Variants in FLRT1 observed in about 807,000 individuals in gnomAD.
FLRT1 encodes the protein fibronectin leucine rich transmembrane protein 1, also known as leucine-rich repeat transmembrane protein FLRT1.
Under a neutral mutation model 30.9 loss-of-function variants are expected in FLRT1, and 14 were observed. The observed-to-expected ratio is 0.45, with a 90% CI of 0.30 to 0.71. FLRT1 has a LOEUF of 0.71. Ranked by LOEUF, FLRT1 falls within the 30% of genes least tolerant of loss-of-function variation. FLRT1 has a pLI of 0.08. For missense variants in FLRT1, 737 were observed against 949.2 expected (o/e 0.78, Z 2.94); for synonymous variants, 368 against 430.4 (o/e 0.85, Z 1.80).
At chr11:64,092,527 C>T (rs1004638076) in intron 1 of FLRT1, among the ~76,000 whole-genome samples, 3 of 152,176 alleles carry the variant, frequency 2.0e-5, no homozygotes, top group Admixed American at 6.5e-5. Context: ...GAGATGGGGC[C>T]GCTCAGAGAC....
intron 2 of FLRT1, among the ~76,000 whole-genome samples, chr11:64,110,540 G>A (rs1235005384): frequency 8.5e-5 from 13 of 152,050 alleles, no homozygotes. Context: ...GTTGGCAGGG[G>A]ACAACGACTG....
chr11:64,078,521 G>T (rs1041893274), intron 1 of FLRT1, among the ~76,000 whole-genome samples: 3 of 152,228 alleles, frequency 2.0e-5, no homozygotes, highest in South Asian at 2.1e-4. Context: ...GCATCGGAGG[G>T]ATACCCGGGA....
chr11:64,106,885 A>AT (rs1172357369), intron 2 of FLRT1, among the ~76,000 whole-genome samples: 2 of 150,948 alleles, frequency 1.3e-5, no homozygotes, highest in African/African-American at 4.9e-5. Context: ...TATTTATTTT[A>AT]TTTTATTTTT....
At chr11:64,110,660 G>A (rs920115854) in intron 2 of FLRT1, among the ~76,000 whole-genome samples, 2 of 151,928 alleles carry the variant, frequency 1.3e-5, no homozygotes, top group African/African-American at 4.8e-5. Flanking sequence ...GCCCACCCCC[G>A]TGGCCCGCTA....
chr11:64,037,080 T>G (rs1394052696), intron 1 of FLRT1, among the ~76,000 whole-genome samples: 1 of 151,482 alleles, frequency 6.6e-6, no homozygotes, highest in Non-Finnish European at 1.5e-5. Flanking sequence ...AGCTGGGGTG[T>G]GCCAGGCCCC....
rs1195542269 is a variant in FLRT1 at position 64,036,236 on chromosome 11, C to G, written c.-1038+77C>G. The stretch of plus-strand genomic sequence containing the variant: ...GCGCCAGAGCCGACGGGGCGGGGGC[C>G]GGGGGCCCGGGGGCACCGAAGCGCC... On this transcript the variant is annotated intron_variant, in intron 1 of 2. Transcript: ENST00000682287. The surrounding 1 kb of genome is among the most constrained non-coding windows in gnomAD (Gnocchi z 5.6). 1 of 151,922 alleles carries G rather than the reference C, an allele frequency of 6.6e-6. No homozygotes were observed. Among genetic ancestry groups the G allele is most frequent in the African/African-American group, 2.4e-5 (1 of 41,372 alleles). 9.4% of individuals were successfully genotyped at this position (151,922 alleles called of 1,614,324 possible). A position where few individuals can be genotyped will look rare whatever the true frequency, so the allele number is the denominator to read the frequency against.
At chr11:64,051,423 G>A (rs1943692507) in intron 1 of FLRT1, among the ~76,000 whole-genome samples, 1 of 152,198 alleles carries the variant, frequency 6.6e-6, no homozygotes. Flanking sequence ...TGGTGACAGT[G>A]ATGGCGGACC....
chr11:64,084,955 C>T (rs1288329460), intron 1 of FLRT1, among the ~76,000 whole-genome samples: 3 of 152,254 alleles, frequency 2.0e-5, no homozygotes, highest in Non-Finnish European at 4.4e-5. Flanking sequence ...ACAAGGGTTT[C>T]CGTCTATGGG....
In FLRT1 at chr11:64,118,259, C is replaced by T. The variant is rs1392761485; in HGVS notation, c.1992C>T (p.Gly664=). 27 of 1,595,104 alleles carry T rather than the reference C, an allele frequency of 1.7e-5. No homozygotes were observed. The highest frequency in any genetic ancestry group is 5.6e-5 in the South Asian group (5 of 89,010). The change falls in exon 3 of 3, where the codon GGC becomes GGT. Residue 664 remains glycine (G), a synonymous_variant. Coordinates refer to ENST00000682287, the MANE Select transcript of FLRT1 (RefSeq NM_013280.5). ...GYGTTRGYRD[G]GIPDIDYSYT is the part of the protein sequence containing the mutation. ...GCACCACGCGGGGCTACCGGGACGG[C>T]GGCATCCCCGACATAGACTACTCCT...
chr11:64,065,518 G>A (rs190240944), intron 1 of FLRT1, among the ~76,000 whole-genome samples: 11 of 152,274 alleles, frequency 7.2e-5, no homozygotes, highest in East Asian at 1.9e-4. Context: ...GGCCAGGCGC[G>A]GTGGCTCATG....
intron 1 of FLRT1, among the ~76,000 whole-genome samples, chr11:64,066,294 CAAAAA>C (rs59963244): frequency 5.9e-5 from 3 of 50,936 alleles, no homozygotes; most frequent in Admixed American, 2.1e-4. Flanking sequence ...GAGACTGTCT[CAAAAA>C]AAAAAAAAAA....
intron 1 of FLRT1, among the ~76,000 whole-genome samples, chr11:64,051,613 C>T (rs1001777341): frequency 3.3e-5 from 5 of 152,228 alleles, no homozygotes; most frequent in African/African-American, 9.6e-5. Flanking sequence ...ACCGCCATTC[C>T]TGCGTGGAGC....
At chr11:64,114,645 G>A (rs1253979999) in intron 2 of FLRT1, among the ~76,000 whole-genome samples, 1 of 151,752 alleles carries the variant, frequency 6.6e-6, no homozygotes, top group Non-Finnish European at 1.5e-5. Flanking sequence ...ATGAATGGAT[G>A]GATGGATGAA....
At chr11:64,054,380 C>T (rs1019193804) in intron 1 of FLRT1, among the ~76,000 whole-genome samples, 45 of 152,334 alleles carry the variant, frequency 3.0e-4, no homozygotes, top group Admixed American at 6.5e-4. Flanking sequence ...TGAGTGCTTT[C>T]GGCAGCCAGC....
intron 2 of FLRT1, among the ~76,000 whole-genome samples, chr11:64,113,991 GATGA>G (rs965017510): frequency 1.3e-5 from 2 of 149,164 alleles, no homozygotes; most frequent in African/African-American, 2.5e-5. Flanking sequence ...TAATTGGATG[GATGA>G]ATGGACAGGT....
chr11:64,094,441 A>T (rs575535435), intron 1 of FLRT1, among the ~76,000 whole-genome samples: 1 of 152,040 alleles, frequency 6.6e-6, no homozygotes, highest in African/African-American at 2.4e-5. Context: ...AAAAAAAAAA[A>T]AAAATCCCAA....
chr11:64,057,178 C>T (rs570481038), intron 1 of FLRT1, among the ~76,000 whole-genome samples: 28 of 152,316 alleles, frequency 1.8e-4, no homozygotes, highest in Non-Finnish European at 1.5e-4. Flanking sequence ...ACAGCCAGCC[C>T]CGTGTTTATA....
intron 1 of FLRT1, among the ~76,000 whole-genome samples, chr11:64,095,649 G>A (rs1458465277): frequency 1.3e-5 from 2 of 152,232 alleles, no homozygotes; most frequent in East Asian, 3.9e-4. Flanking sequence ...TAACTCGGAT[G>A]ATGGCATATG....
At chr11:64,045,089 C>G (rs1344194353) in intron 1 of FLRT1, among the ~76,000 whole-genome samples, 1 of 152,214 alleles carries the variant, frequency 6.6e-6, no homozygotes, top group African/African-American at 2.4e-5. Flanking sequence ...TGAGGGGGAG[C>G]AGTCCGGGTG....
Sources: allele counts gnomAD v4.1 joint callset (sites outside exome capture counted in the v4.1 genomes callset), GRCh38; gene constraint gnomAD v4.1.1; non-coding constraint Gnocchi (gnomAD v3.1); transcripts MANE v1.5; gene names NCBI Gene and HGNC (gene_info 2026-07-23, HGNC 2026-07-21).